The following CDKAL1 variants were observed in gnomAD, a reference collection of about 807,000 sequenced individuals.
The protein encoded by CDKAL1 is CDKAL1 threonylcarbamoyladenosine tRNA methylthiotransferase.
CDKAL1 carries 32 observed loss-of-function variants against 68.2 expected under a neutral mutation model. That is an observed-to-expected ratio of 0.47 (90% CI 0.35 to 0.63). The LOEUF is 0.63. Ranked by LOEUF, CDKAL1 falls within the 30% of genes least tolerant of loss-of-function variation. The probability of loss-of-function intolerance (pLI) is 0.00; values close to 1 mark genes in which losing one functional copy is unlikely to be tolerated. For missense variants in CDKAL1, 606 were observed against 696.7 expected (o/e 0.87, Z 1.47); for synonymous variants, 234 against 244.3 (o/e 0.96, Z 0.39).
chr6:21,195,447 G>C lies in CDKAL1; in HGVS notation c.1300-2574G>C, dbSNP rs995874493. Among the ~76,000 whole-genome samples, 3 of 151,866 alleles carry C rather than the reference G, an allele frequency of 2.0e-5. No individual in the cohort carries two copies. The East Asian group carries it at 5.8e-4, about 29-fold the overall frequency. On this transcript the variant is annotated intron_variant, in intron 13 of 15. Coordinates refer to ENST00000274695, the MANE Select transcript of CDKAL1 (RefSeq NM_017774.3). ...CAAGGTGCTGGGATTACAGGCATGA[G>C]CCATCGTGCCTGGCCTCTGGAGATG...
At chr6:20,875,581 C>T (rs62398107) in intron 9 of CDKAL1, among the ~76,000 whole-genome samples, 28,792 of 151,878 alleles carry the variant, frequency 0.19, 2,901 homozygotes, top group East Asian at 0.33. Context: ...AGGGCAGCAG[C>T]GCTGTAAGCA....
intron 8 of CDKAL1, among the ~76,000 whole-genome samples, chr6:20,802,699 T>G (rs1051001978): frequency 7.2e-5 from 11 of 152,124 alleles, no homozygotes; most frequent in African/African-American, 2.7e-4. Flanking sequence ...GTCACAGGCA[T>G]TTACAGGTAG....
intron 2 of CDKAL1, among the ~76,000 whole-genome samples, chr6:20,538,219 C>T (rs1279840540): frequency 1.3e-5 from 2 of 151,280 alleles, no homozygotes; most frequent in African/African-American, 4.9e-5. Flanking sequence ...TGTGGTTGAG[C>T]ATTCTTTCCT....
chr6:20,822,291 G>T (rs879927265), intron 8 of CDKAL1, among the ~76,000 whole-genome samples: 8 of 152,122 alleles, frequency 5.3e-5, no homozygotes, highest in Non-Finnish European at 1.0e-4. Flanking sequence ...AAAGTAGTTG[G>T]TTATGAATTA....
chr6:21,150,360 GATGCC>G (rs933821625), intron 13 of CDKAL1, among the ~76,000 whole-genome samples: 57 of 152,262 alleles, frequency 3.7e-4, no homozygotes, highest in Admixed American at 8.5e-4. Context: ...CAAAACTCCT[GATGCC>G]TCCTTAGCGA....
intron 4 of CDKAL1, among the ~76,000 whole-genome samples, chr6:20,631,258 C>T (rs1485219794): frequency 6.6e-6 from 1 of 152,170 alleles, no homozygotes; most frequent in Non-Finnish European, 1.5e-5. Context: ...TTTCTGTCAT[C>T]TTTGGTGACA....
intron 5 of CDKAL1, among the ~76,000 whole-genome samples, chr6:20,670,541 T>A (rs896348054): frequency 7.9e-5 from 12 of 152,222 alleles, no homozygotes; most frequent in African/African-American, 2.7e-4. Flanking sequence ...TTATTTATTT[T>A]TTGTACAAAC....
intron 15 of CDKAL1, among the ~76,000 whole-genome samples, chr6:21,204,751 C>T (rs1373575400): frequency 2.0e-5 from 3 of 151,918 alleles, no homozygotes; most frequent in Middle Eastern, 3.4e-3. Flanking sequence ...TTTATATCCC[C>T]ACTTTCAAGC....
intron 5 of CDKAL1, among the ~76,000 whole-genome samples, chr6:20,670,699 T>C (rs1455118960): frequency 6.6e-6 from 1 of 152,070 alleles, no homozygotes; most frequent in Non-Finnish European, 1.5e-5. Context: ...ATTCTGTAGG[T>C]CATAATGTCA....
chr6:20,654,644 G>A (rs964650438), intron 5 of CDKAL1, among the ~76,000 whole-genome samples: 1 of 152,074 alleles, frequency 6.6e-6, no homozygotes, highest in Non-Finnish European at 1.5e-5. Flanking sequence ...GGTATCAGAA[G>A]GGGTCCAATT....
chr6:21,185,474 G>C (rs62404539), intron 13 of CDKAL1, among the ~76,000 whole-genome samples: 3,865 of 152,140 alleles, frequency 0.025, 81 homozygotes, highest in African/African-American at 0.056. Context: ...TTTTATTCTT[G>C]GTTTAAATGT....
At chr6:21,066,439 A>G (rs538851263) in intron 12 of CDKAL1, among the ~76,000 whole-genome samples, 4 of 152,342 alleles carry the variant, frequency 2.6e-5, no homozygotes, top group African/African-American at 9.6e-5. Context: ...ATTTTCTTCT[A>G]TATCACAAGT....
chr6:20,625,634 G>C (rs1463751211), intron 4 of CDKAL1, among the ~76,000 whole-genome samples: 3 of 152,046 alleles, frequency 2.0e-5, no homozygotes, highest in Non-Finnish European at 4.4e-5. Context: ...AATGTGTTCT[G>C]TGTACTTTAA....
intron 5 of CDKAL1, among the ~76,000 whole-genome samples, chr6:20,669,851 A>G (rs185509135): frequency 1.4e-4 from 22 of 152,306 alleles, no homozygotes; most frequent in Non-Finnish European, 3.1e-4. Flanking sequence ...AGATATGCTC[A>G]TTGCTACTAG....
chr6:20,545,738 A>T (rs979166453), intron 2 of CDKAL1, among the ~76,000 whole-genome samples: 22 of 152,178 alleles, frequency 1.4e-4, no homozygotes, highest in African/African-American at 5.1e-4. Context: ...CTGGGATTAC[A>T]GGCATAAGCC....
intron 13 of CDKAL1, among the ~76,000 whole-genome samples, chr6:21,151,599 T>C (rs1010233059): frequency 6.6e-6 from 1 of 152,202 alleles, no homozygotes; most frequent in African/African-American, 2.4e-5. Context: ...ACAAAAACAG[T>C]AGAGGACATA....
chr6:20,682,373 A>C (rs1033849723), intron 5 of CDKAL1, among the ~76,000 whole-genome samples: 1 of 152,162 alleles, frequency 6.6e-6, no homozygotes, highest in African/African-American at 2.4e-5. Context: ...GACATACCTG[A>C]GACTGGATAA....
At chr6:20,956,261 G>A (rs747401743) in intron 10 of CDKAL1, among the ~76,000 whole-genome samples, 8 of 152,152 alleles carry the variant, frequency 5.3e-5, no homozygotes, top group African/African-American at 1.9e-4. Flanking sequence ...CCCTGATTTT[G>A]TTTTTATACT....
chr6:21,056,285 A>G (rs942126293), intron 11 of CDKAL1, among the ~76,000 whole-genome samples: 8 of 152,052 alleles, frequency 5.3e-5, no homozygotes, highest in African/African-American at 1.4e-4. Flanking sequence ...CTTTGAGGCA[A>G]TTGTGAATGG....
Sources: allele counts gnomAD v4.1 joint callset (sites outside exome capture counted in the v4.1 genomes callset), GRCh38; gene constraint gnomAD v4.1.1; transcripts MANE v1.5; gene names NCBI Gene and HGNC (gene_info 2026-07-23, HGNC 2026-07-21).